Variants in FAM76B observed in about 807,000 individuals in gnomAD.
The protein encoded by FAM76B is protein FAM76B.
FAM76B carries 16 observed loss-of-function variants against 51.8 expected under a neutral mutation model. The observed-to-expected ratio is 0.31, with a 90% confidence interval of 0.21 to 0.47. The LOEUF is 0.47. FAM76B is among the 20% of genes least tolerant of loss of function. FAM76B has a pLI of 1.00. For missense variants in FAM76B, 342 were observed against 392.6 expected (o/e 0.87, Z 1.09); for synonymous variants, 166 against 129.5 (o/e 1.28, Z -1.91).
chr11:95,771,493 A>G lies in FAM76B; in HGVS notation c.*68T>C. 1 of 1,274,200 alleles carries G rather than the reference A, an allele frequency of 7.8e-7. No homozygotes were observed. The highest frequency in any genetic ancestry group is 1.1e-6 in the Non-Finnish European group (1 of 886,214). The allele number at this position is 1,274,200 out of a possible 1,614,324, so 78.9% of individuals were successfully genotyped here. ...AATATTTTTCTACTACACAGAATTTAAGGGCTTCACAGAATTTTTTTTCCC... is the reference window on the plus strand; with the variant it reads ...AATATTTTTCTACTACACAGAATTTGAGGGCTTCACAGAATTTTTTTTCCC... On this transcript the variant is annotated 3_prime_UTR_variant, in exon 10 of 10. Coordinates refer to ENST00000358780, the MANE Select transcript of FAM76B (RefSeq NM_144664.5).
Position 95,789,747 on chromosome 11 carries a change from T to TA in FAM76B, c.-270dup. The TA allele has an allele frequency of 2.2e-6, 1 of 452,364 alleles. No individual in the cohort carries two copies. Among genetic ancestry groups the TA allele is most frequent in the Non-Finnish European group, 3.9e-6 (1 of 256,872 alleles). 28.0% of individuals were successfully genotyped at this position (452,364 alleles called of 1,614,324 possible). ...TAGCGGCGGAGGGAGACGAAGCGGG[T>TA]AGGGGGTTGCTGTTTAGCTGTGCGG... On this transcript the variant is annotated 5_prime_UTR_variant, in exon 1 of 10. Transcript: ENST00000358780.
chr11:95,772,931 T>C lies in FAM76B; in HGVS notation c.931-1281A>G, dbSNP rs189302944. Among the ~76,000 whole-genome samples the C allele has an allele frequency of 2.7e-3, 412 of 151,300 alleles. 1 individual carries two copies. Among genetic ancestry groups the C allele is most frequent in the African/African-American group, 6.2e-3 (259 of 41,446 alleles). On this transcript the variant is annotated intron_variant, in intron 9 of 9. Transcript: ENST00000358780. The stretch of plus-strand genomic sequence containing the variant: ...TTTTTATGTTCAGATGCATGATCAA[T>C]AGAACTTTCCTATTCAGTGGTTATT...
intron 5 of FAM76B, 68 bp from the exon 6 acceptor site, chr11:95,779,994 T>C: frequency 7.2e-7 from 1 of 1,381,746 alleles, no homozygotes; most frequent in Non-Finnish European, 1.0e-6. Flanking sequence ...TTTAACATTC[T>C]TTCTCAATGG....
chr11:95,772,625 C>G (rs1162170562), intron 9 of FAM76B, among the ~76,000 whole-genome samples: 1 of 151,110 alleles, frequency 6.6e-6, no homozygotes, highest in Non-Finnish European at 1.5e-5. Flanking sequence ...ACTTATGTTT[C>G]AACACCATTT....
intron 9 of FAM76B, among the ~76,000 whole-genome samples, chr11:95,773,585 T>A (rs1189338575): frequency 1.3e-5 from 2 of 151,184 alleles, no homozygotes; most frequent in African/African-American, 4.8e-5. Context: ...CTGCTTTAAA[T>A]CCTGGCTTAC....
chr11:95,779,639 G>A lies in FAM76B; in HGVS notation c.660C>T (p.Pro220=). 1 of 1,609,470 alleles carries A rather than the reference G, an allele frequency of 6.2e-7. No individual in the cohort carries two copies. Among genetic ancestry groups the A allele is most frequent in the Non-Finnish European group, 8.5e-7 (1 of 1,177,706 alleles). Residue 220 remains proline, a synonymous_variant, in exon 7 of 10, where the codon CCC becomes CCT. Coordinates refer to ENST00000358780, the MANE Select transcript of FAM76B (RefSeq NM_144664.5). ...TIQNETPKKK[P]KLESKPSNGD... ...CATTAGATGGCTTAGATTCCAATTTGGGCTTTTTCTTTGGAGTTTCATTCT... is the reference window on the plus strand; with the variant it reads ...CATTAGATGGCTTAGATTCCAATTTAGGCTTTTTCTTTGGAGTTTCATTCT...
At chr11:95,778,024 C>T (rs549391206) in intron 8 of FAM76B, among the ~76,000 whole-genome samples, 1 of 151,520 alleles carries the variant, frequency 6.6e-6, no homozygotes, top group South Asian at 2.1e-4. Context: ...TCAAAACCAT[C>T]ACTTCAGATA....
At chr11:95,776,065 A>G (rs1859991533) in intron 8 of FAM76B, 42 bp from the exon 9 acceptor site, 7 of 1,044,996 alleles carry the variant, frequency 6.7e-6, no homozygotes, top group Admixed American at 2.6e-5. Context: ...ATTTGCACAC[A>G]TACACACACA....
At chr11:95,774,383 G>A (rs1230400047) in intron 9 of FAM76B, among the ~76,000 whole-genome samples, 1 of 151,370 alleles carries the variant, frequency 6.6e-6, no homozygotes, top group African/African-American at 2.4e-5. Flanking sequence ...AGAGGAGGTA[G>A]GCCTAAGATA....
intron 1 of FAM76B, 36 bp from the exon 2 acceptor site, chr11:95,788,599 G>A: frequency 1.3e-6 from 2 of 1,576,276 alleles, no homozygotes; most frequent in South Asian, 1.1e-5. Flanking sequence ...GTATCTTTCT[G>A]AAAGTCCCAA....
intron 5 of FAM76B, among the ~76,000 whole-genome samples, chr11:95,782,761 ACT>A (rs1860343273): frequency 6.6e-6 from 1 of 152,328 alleles, no homozygotes; most frequent in Non-Finnish European, 1.5e-5. Context: ...AAAAAAGAAT[ACT>A]GAGGCTTTTG....
intron 5 of FAM76B, among the ~76,000 whole-genome samples, chr11:95,781,615 A>AT (rs1860273441): frequency 6.6e-6 from 1 of 152,154 alleles, no homozygotes; most frequent in South Asian, 2.1e-4. Flanking sequence ...GAAAGGAGAC[A>AT]TTTTGGGAGT....
chr11:95,777,977 A>G (rs1860086560), intron 8 of FAM76B, among the ~76,000 whole-genome samples: 1 of 151,500 alleles, frequency 6.6e-6, no homozygotes, highest in Non-Finnish European at 1.5e-5. Flanking sequence ...TATACATACC[A>G]GGAGCTATAA....
intron 1 of FAM76B, chr11:95,789,093 G>A (rs1410388696): frequency 7.8e-6 from 11 of 1,411,954 alleles, no homozygotes; most frequent in Admixed American, 2.5e-5. Context: ...CTGGGTCTCT[G>A]CGGCATAGAC....
At chr11:95,772,976 A>G (rs983920846) in intron 9 of FAM76B, among the ~76,000 whole-genome samples, 1 of 151,100 alleles carries the variant, frequency 6.6e-6, no homozygotes, top group Admixed American at 6.6e-5. Context: ...GGTGGTAACG[A>G]AAAACTTCAA....
Position 95,779,629 on chromosome 11 carries a change from A to G in FAM76B, c.670T>C (p.Ser224Pro). The G allele has an allele frequency of 1.8e-5, 29 of 1,610,000 alleles. No individual in the cohort carries two copies. Among genetic ancestry groups the G allele is most frequent in the Non-Finnish European group, 2.5e-5 (29 of 1,177,824 alleles). Residue 224 changes from serine (S) to proline (P), a missense_variant, in exon 7 of 10, where the codon TCT (serine) becomes CCT (proline). Ser to Pro is a moderately conservative substitution (Grantham distance 74). Around this residue, in one of 3 missense-constraint regions of FAM76B, gnomAD observed 230 missense variants for 257.4 expected, o/e 0.89. Coordinates refer to ENST00000358780, the MANE Select transcript of FAM76B (RefSeq NM_144664.5). ...ETPKKKPKLE[S>P]KPSNGDSSSI... ...TACCTATCTCCATTAGATGGCTTAG[A>G]TTCCAATTTGGGCTTTTTCTTTGGA...
At chr11:95,772,115 G>C (rs1859792892) in intron 9 of FAM76B, among the ~76,000 whole-genome samples, 1 of 151,064 alleles carries the variant, frequency 6.6e-6, no homozygotes, top group Admixed American at 6.6e-5. Flanking sequence ...CTCTCTTGTA[G>C]AACAAGCATA....
chr11:95,789,484 T>A lies in FAM76B; in HGVS notation c.-6A>T. The A allele has an allele frequency of 6.3e-7, 1 of 1,596,754 alleles. No homozygotes were observed. ...TACAGGGCCGAGGCCGCCATCCTGCTCCTCAGTCTCCTCCTCCGCCGCCGC... is the reference window on the plus strand; with the variant it reads ...TACAGGGCCGAGGCCGCCATCCTGCACCTCAGTCTCCTCCTCCGCCGCCGC... On this transcript the variant is annotated 5_prime_UTR_variant, in exon 1 of 10. Transcript: ENST00000358780.
intron 9 of FAM76B, 84 bp downstream of exon 9, chr11:95,775,838 A>T: frequency 2.5e-6 from 2 of 814,734 alleles, no homozygotes; most frequent in Non-Finnish European, 3.6e-6. Flanking sequence ...AAATAGGGCT[A>T]CCAATAACAA....
Sources: allele counts gnomAD v4.1 joint callset (sites outside exome capture counted in the v4.1 genomes callset), GRCh38; gene constraint gnomAD v4.1.1; regional missense constraint gnomAD v4.1.1; transcripts MANE v1.5; gene names NCBI Gene and HGNC (gene_info 2026-07-23, HGNC 2026-07-21).